Variants in PPP1R16A observed in about 807,000 individuals in gnomAD.
PPP1R16A encodes myosin phosphatase-targeting subunit 3.
Under a neutral mutation model 46.6 loss-of-function variants are expected in PPP1R16A, and 39 were observed. That is an observed-to-expected ratio of 0.84 (90% CI 0.65 to 1.09). The LOEUF is 1.09. PPP1R16A is among the 50% of genes least tolerant of loss of function. The probability of loss-of-function intolerance (pLI) is 0.00; values close to 1 mark genes in which losing one functional copy is unlikely to be tolerated. For missense variants in PPP1R16A, 798 were observed against 735.6 expected, an observed-to-expected ratio of 1.08 and a Z score of -0.98; for synonymous variants, 413 against 321.5, an observed-to-expected ratio of 1.28 and a Z score of -3.04.
At position 144,477,990 on chromosome 8, in the gene PPP1R16A, C is replaced by G. The variant is rs891713442; in HGVS notation, c.-1051C>G. On this transcript the variant is annotated 5_prime_UTR_variant, in exon 1 of 12. Coordinates refer to ENST00000435887, the MANE Select transcript of PPP1R16A (RefSeq NM_001329443.2). ...CACCGCGGCTTCCGGCTATGGGTAC[C>G]GCGGGCCGGAAGTGTAGCGTTGCCA... 5.1e-6 allele frequency: 2 copies of G among 392,902 alleles called. No homozygotes were observed. The highest frequency in any genetic ancestry group is 7.2e-5 in the East Asian group (2 of 27,704). 24.3% of individuals were successfully genotyped at this position (392,902 alleles called of 1,614,324 possible).
intron 2 of PPP1R16A, among the ~76,000 whole-genome samples, chr8:144,491,013 G>A (rs1022010680): frequency 8.6e-5 from 13 of 151,798 alleles, no homozygotes; most frequent in Admixed American, 1.3e-4. Context: ...GAGCTGTGAC[G>A]GCAGCACTGC....
At chr8:144,484,271 T>C (rs1216149518) in intron 1 of PPP1R16A, among the ~76,000 whole-genome samples, 2 of 152,256 alleles carry the variant, frequency 1.3e-5, no homozygotes. Context: ...CCGACCCCTC[T>C]GAAGCTCACT....
chr8:144,498,638 CT>C (rs1826225850), intron 3 of PPP1R16A, 131 bp from the exon 4 acceptor site: 5 of 869,082 alleles, frequency 5.8e-6, no homozygotes, highest in Non-Finnish European at 8.6e-6. Context: ...GCCCCCACCC[CT>C]GGGCTCTGGT....
Position 144,501,518 on chromosome 8 carries a change from A to T in PPP1R16A, c.1204-2A>T. On this transcript the variant is annotated splice_acceptor_variant, in intron 11 of 11. Coordinates refer to ENST00000435887, the MANE Select transcript of PPP1R16A (RefSeq NM_001329443.2). LOFTEE classifies it high-confidence loss of function. The stretch of plus-strand genomic sequence containing the variant: ...TGGCTCTGGGACCTTCACTGCCCGC[A>T]GGAGGACAACCCCGAAGTGGTCAGG... The T allele has an allele frequency of 6.5e-7, 1 of 1,545,362 alleles. No homozygotes were observed. Among genetic ancestry groups the T allele is most frequent in the Non-Finnish European group, 8.7e-7 (1 of 1,144,580 alleles).
chr8:144,481,841 G>T (rs557911454), intron 1 of PPP1R16A, among the ~76,000 whole-genome samples: 1 of 151,564 alleles, frequency 6.6e-6, no homozygotes, highest in Admixed American at 6.6e-5. Flanking sequence ...GCAGTGGCAC[G>T]ATCTTGGCTC....
intron 1 of PPP1R16A, among the ~76,000 whole-genome samples, chr8:144,483,088 T>C (rs1054169057): frequency 5.9e-5 from 9 of 152,218 alleles, no homozygotes; most frequent in African/African-American, 2.2e-4. Context: ...GGCCCAACTT[T>C]CATTTCTTTT....
rs1825902147 is a variant in PPP1R16A, at chr8:144,493,484, A to G, written c.-734-2977A>G. Among the ~76,000 whole-genome samples, 1 of 152,168 alleles carries G rather than the reference A, an allele frequency of 6.6e-6. No individual in the cohort carries two copies. Among genetic ancestry groups the G allele is most frequent in the Non-Finnish European group, 1.5e-5 (1 of 68,000 alleles). The stretch of plus-strand genomic sequence containing the variant: ...AGCTCTGGTGGGCTGTTCCTGGTCC[A>G]TCTTGTGGCTGGGAGGAGTAGACAA... On this transcript the variant is annotated intron_variant, in intron 2 of 11. Coordinates refer to ENST00000435887, the MANE Select transcript of PPP1R16A (RefSeq NM_001329443.2). This position sits in a 1 kb window ranked among gnomAD's most constrained non-coding sequence, Gnocchi z 4.3.
chr8:144,491,113 T>C lies in PPP1R16A; in HGVS notation c.-735+901T>C, dbSNP rs532051134. 6.6e-5 allele frequency among the ~76,000 whole-genome samples: 10 copies of C among 152,258 alleles called. No homozygotes were observed. The South Asian group carries it at 1.7e-3, about 25-fold the overall frequency. ...AGTCTGTGTGTGTATGTAACACCTTTAGCCAGGCTCTGGCAGCCTCTGCAC... is the reference window on the plus strand; with the variant it reads ...AGTCTGTGTGTGTATGTAACACCTTCAGCCAGGCTCTGGCAGCCTCTGCAC... On this transcript the variant is annotated intron_variant, in intron 2 of 11. Coordinates refer to ENST00000435887, the MANE Select transcript of PPP1R16A (RefSeq NM_001329443.2).
intron 11 of PPP1R16A, 46 bp downstream of exon 11, chr8:144,501,340 C>T (rs1230341739): frequency 1.3e-6 from 2 of 1,531,808 alleles, no homozygotes; most frequent in Non-Finnish European, 1.7e-6. Context: ...GTGGGCCTGG[C>T]TCTGCCCTGG....
chr8:144,483,707 CT>C (rs11392862), intron 1 of PPP1R16A, among the ~76,000 whole-genome samples: 18 of 143,530 alleles, frequency 1.3e-4, no homozygotes, highest in Admixed American at 1.4e-4. Context: ...CGCCCGGTCT[CT>C]TTTTTTTTTT....
At chr8:144,497,915 T>C (rs1223148970) in intron 3 of PPP1R16A, 13 of 400,760 alleles carry the variant, frequency 3.2e-5, no homozygotes, top group Non-Finnish European at 6.6e-5. Flanking sequence ...GGCACAGAGC[T>C]ATGCAGGTGG....
chr8:144,488,507 G>A (rs1276522173), intron 1 of PPP1R16A, among the ~76,000 whole-genome samples: 1 of 152,168 alleles, frequency 6.6e-6, no homozygotes, highest in East Asian at 1.9e-4. Flanking sequence ...GATGGGCAGA[G>A]AGTGGGATGT....
Position 144,501,244 on chromosome 8 carries a change from G to T in PPP1R16A, c.1153G>T (p.Asp385Tyr). The T allele has an allele frequency of 6.2e-7, 1 of 1,604,688 alleles. No homozygotes were observed. Residue 385 changes from aspartate to tyrosine, a missense_variant, in exon 11 of 12, where the codon GAC (aspartate) becomes TAC (tyrosine). Asp to Tyr is a radical substitution (Grantham distance 160, BLOSUM62 -3). Transcript: ENST00000435887. ...GCCCACCAGCCCGGAGCCGCCCGAG[G>T]ACAACGATGACCGCCAGACAGGCGC... Reference protein sequence around the residue: ...PPPTSPEPPEDNDDRQTGAEL... With the variant: ...PPPTSPEPPEYNDDRQTGAEL...
intron 2 of PPP1R16A, among the ~76,000 whole-genome samples, chr8:144,491,708 A>G (rs1420034941): frequency 1.3e-5 from 2 of 150,772 alleles, no homozygotes; most frequent in Non-Finnish European, 2.9e-5. Flanking sequence ...GCTCGCAGTG[A>G]GCGGAGATTG....
chr8:144,499,595 C>T lies in PPP1R16A; in HGVS notation c.477-501C>T, dbSNP rs117121410. On this transcript the variant is annotated intron_variant, in intron 5 of 11. Coordinates refer to ENST00000435887, the MANE Select transcript of PPP1R16A (RefSeq NM_001329443.2). ...GTGAGGCCGGGTGGGGTGTGCATGG[C>T]GGTCGCGTCACACACAGGCGCTGCG... 143 of 185,962 alleles carry T rather than the reference C, an allele frequency of 7.7e-4. 3 individuals are homozygous for T. The East Asian group carries it at 0.015, about 20-fold the overall frequency. The allele number at this position is 185,962 out of a possible 1,614,324, so 11.5% of individuals were successfully genotyped here.
intron 5 of PPP1R16A, 143 bp from the exon 6 acceptor site, chr8:144,499,953 T>C (rs2130527618): frequency 2.6e-6 from 2 of 757,096 alleles, no homozygotes; most frequent in Non-Finnish European, 4.3e-6. Context: ...GCCCCAAGGC[T>C]GCCTCTCCCA....
chr8:144,499,599 C>T (rs534278903), intron 5 of PPP1R16A: 19 of 183,776 alleles, frequency 1.0e-4, no homozygotes, highest in Non-Finnish European at 1.8e-4. Flanking sequence ...GCATGGCGGT[C>T]GCGTCACACA....
chr8:144,481,372 G>A (rs968569383), intron 1 of PPP1R16A, among the ~76,000 whole-genome samples: 3 of 151,972 alleles, frequency 2.0e-5, no homozygotes, highest in Non-Finnish European at 4.4e-5. Flanking sequence ...GCTGGGCGTG[G>A]GGGCTCACGC....
At chr8:144,498,429 G>A (rs1273098588) in intron 3 of PPP1R16A, 2 of 367,372 alleles carry the variant, frequency 5.4e-6, no homozygotes, top group Non-Finnish European at 1.0e-5. Flanking sequence ...CGAAGGAGCT[G>A]TGGTAGCCTC....
Sources: gnomAD v4.1 joint callset for allele counts (sites outside exome capture counted in the v4.1 genomes callset) on GRCh38, gnomAD v4.1.1 for gene constraint, Gnocchi (gnomAD v3.1) non-coding constraint, MANE v1.5 for transcripts, NCBI Gene and HGNC (gene_info 2026-07-23, HGNC 2026-07-21) for gene names.